Variants in ARFGEF1 observed in about 807,000 individuals in gnomAD.
The protein encoded by ARFGEF1 is ARF guanine nucleotide exchange factor 1.
ARFGEF1 carries 42 observed loss-of-function variants against 231.0 expected under a neutral mutation model. That is an observed-to-expected ratio of 0.18 (90% CI 0.14 to 0.24). ARFGEF1 has a LOEUF of 0.24. Ranked by LOEUF, ARFGEF1 falls within the 10% of genes least tolerant of loss-of-function variation. The probability of loss-of-function intolerance (pLI) is 1.00; values close to 1 mark genes in which losing one functional copy is unlikely to be tolerated. For synonymous variants in ARFGEF1, 710 were observed against 732.3 expected (o/e 0.97, Z 0.49); for missense variants, 1,345 against 2,192.0 (o/e 0.61, Z 7.72).
intron 1 of ARFGEF1, among the ~76,000 whole-genome samples, chr8:67,309,361 T>C (rs1444496357): frequency 6.6e-6 from 1 of 152,234 alleles, no homozygotes; most frequent in Non-Finnish European, 1.5e-5. Flanking sequence ...AACAGGGACA[T>C]TTTTCATTCT....
At position 67,288,212 on chromosome 8, in the gene ARFGEF1, C is replaced by T. The variant is rs183862580; in HGVS notation, c.917-147G>A. 8.2e-6 allele frequency: 4 copies of T among 485,814 alleles called. No homozygotes were observed. In the Admixed American group the frequency reaches 1.2e-4, roughly 15 times the overall value. 30.1% of individuals were successfully genotyped at this position (485,814 alleles called of 1,614,324 possible). The stretch of plus-strand genomic sequence containing the variant: ...ACATGAAATTAGAAGCAATTATATG[C>T]TAAACCTTCAAAATGTATACCAAAA... On this transcript the variant is annotated intron_variant, in intron 6 of 38. Transcript: ENST00000262215.
intron 34 of ARFGEF1, among the ~76,000 whole-genome samples, chr8:67,209,240 TG>T (rs1162502539): frequency 6.6e-6 from 1 of 150,480 alleles, no homozygotes; most frequent in Non-Finnish European, 1.5e-5. Flanking sequence ...ATACATTCAG[TG>T]GACTATTAGT....
Position 67,204,624 on chromosome 8 carries a change from G to A in ARFGEF1, c.4959+56C>T. The A allele has an allele frequency of 2.6e-6, 4 of 1,562,306 alleles. No homozygotes were observed. The South Asian group carries it at 4.8e-5, about 19-fold the overall frequency. On this transcript the variant is annotated intron_variant, in intron 35 of 38. Transcript: ENST00000262215. ...CTAGCCTAACTCTACAGCCCAGACT[G>A]CTATACCTAACTTCCTACTTACACA...
intron 22 of ARFGEF1, among the ~76,000 whole-genome samples, chr8:67,233,555 TTCTGA>T (rs1354315286): frequency 6.6e-6 from 1 of 152,044 alleles, no homozygotes. Flanking sequence ...TAAATTTTTC[TTCTGA>T]TCTGTTTTTC....
intron 5 of ARFGEF1, among the ~76,000 whole-genome samples, chr8:67,189,761 T>TC (rs769292533): frequency 6.6e-6 from 1 of 152,032 alleles, no homozygotes; most frequent in South Asian, 2.1e-4. Context: ...AATAACATCA[T>TC]CCCCCCAAAT....
At chr8:67,253,346 G>A in intron 18 of ARFGEF1, 105 bp downstream of exon 18, 2 of 726,174 alleles carry the variant, frequency 2.8e-6, no homozygotes, top group South Asian at 3.3e-5. Context: ...TGAGTAGCTG[G>A]GGACTATAAA....
intron 34 of ARFGEF1, 130 bp from the exon 35 acceptor site, chr8:67,204,949 G>A: frequency 9.2e-7 from 1 of 1,086,126 alleles, no homozygotes; most frequent in Non-Finnish European, 1.3e-6. Context: ...AGGACATACT[G>A]CTTTTGCACA....
At chr8:67,174,630 T>G (rs1831174062), downstream of ARFGEF1, 1 of 152,186 alleles carries the variant, frequency 6.6e-6, no homozygotes, top group Non-Finnish European at 1.5e-5. Context: ...CCGGGCATAG[T>G]GGTGGGTGCT....
intron 10 of ARFGEF1, among the ~76,000 whole-genome samples, chr8:67,269,022 A>G (rs1364297327): frequency 6.6e-6 from 1 of 152,232 alleles, no homozygotes; most frequent in Non-Finnish European, 1.5e-5. Flanking sequence ...CTAATAAGCA[A>G]AAGTCTATTG....
At position 67,240,212 on chromosome 8, in the gene ARFGEF1, G is replaced by A; in HGVS notation, c.2929C>T (p.Leu977=). Residue 977 remains leucine (L), a synonymous_variant, in exon 20 of 39, where the codon CTG becomes TTG. Transcript: ENST00000262215. The part of the protein sequence containing the change: ...CDDTEVASLC[L]EGIRCAIRIA... The stretch of plus-strand genomic sequence containing the variant: ...CTGATTGCACATCTTATACCTTCCA[G>A]GCAAAGAGAGGCTACTTCAGTATCA... 1 of 1,612,954 alleles carries A rather than the reference G, an allele frequency of 6.2e-7. No homozygotes were observed. The highest frequency in any genetic ancestry group is 8.5e-7 in the Non-Finnish European group (1 of 1,179,682).
chr8:67,259,028 G>A (rs1840557993), intron 15 of ARFGEF1, among the ~76,000 whole-genome samples: 1 of 152,116 alleles, frequency 6.6e-6, no homozygotes, highest in South Asian at 2.1e-4. Context: ...GTAATACAAT[G>A]TAAATAGGTT....
At chr8:67,264,579 A>G (rs1587163921) in intron 14 of ARFGEF1, among the ~76,000 whole-genome samples, 1 of 152,154 alleles carries the variant, frequency 6.6e-6, no homozygotes. Context: ...AGGAAGAAAG[A>G]AAAAACAGCC....
chr8:67,181,850 G>A (rs926519887), intron 5 of ARFGEF1, among the ~76,000 whole-genome samples: 3 of 152,030 alleles, frequency 2.0e-5, no homozygotes, highest in Non-Finnish European at 4.4e-5. Flanking sequence ...TCCAGCCCCT[G>A]GCAGCCAACA....
intron 19 of ARFGEF1, among the ~76,000 whole-genome samples, chr8:67,243,603 A>G (rs1308204225): frequency 6.6e-6 from 1 of 152,216 alleles, no homozygotes; most frequent in East Asian, 1.9e-4. Flanking sequence ...CGTATCATCA[A>G]GTCCTTTTGA....
intron 5 of ARFGEF1, among the ~76,000 whole-genome samples, chr8:67,190,987 A>G (rs1836064093): frequency 6.6e-6 from 1 of 152,188 alleles, no homozygotes; most frequent in Non-Finnish European, 1.5e-5. Context: ...GGGTGGCTGT[A>G]AGTAGCTCCT....
chr8:67,221,543 A>G lies in ARFGEF1; in HGVS notation c.4209-1983T>C, dbSNP rs147940928. Among the ~76,000 whole-genome samples, 45 of 152,344 alleles carry G rather than the reference A, an allele frequency of 3.0e-4. No individual in the cohort carries two copies. The East Asian group carries it at 7.1e-3, about 24-fold the overall frequency. On this transcript the variant is annotated intron_variant, in intron 29 of 38. Coordinates refer to ENST00000262215, the MANE Select transcript of ARFGEF1 (RefSeq NM_006421.5). ...GGATATAAAGAAAATACTTTTATAT[A>G]GCTGTACAATGTGTTTTAAGCTAAG... is the stretch of plus-strand genomic sequence containing the variant.
intron 1 of ARFGEF1, 76 bp downstream of exon 1, chr8:67,343,088 A>ACCCCCCCCCCCCCCCCGGGGCCCCCC: frequency 2.5e-6 from 1 of 399,152 alleles, no homozygotes; most frequent in Non-Finnish European, 4.8e-6. Flanking sequence ...GCCCCGGGCG[A>ACCCCCCCCCCCCCCCCGGGGCCCCCC]CCCCACCCCC....
intron 19 of ARFGEF1, among the ~76,000 whole-genome samples, chr8:67,241,854 C>T (rs776446906): frequency 1.3e-5 from 2 of 152,152 alleles, no homozygotes; most frequent in Non-Finnish European, 2.9e-5. Flanking sequence ...ATCCCTCCCC[C>T]GTCTCCCATC....
intron 5 of ARFGEF1, 147 bp downstream of exon 5, chr8:67,296,284 A>G (rs535822082): frequency 1.3e-6 from 1 of 776,708 alleles, no homozygotes; most frequent in South Asian, 2.5e-5. Context: ...ATAAAACACA[A>G]TCCCACAAAT....
Sources: gnomAD v4.1 joint callset for allele counts (sites outside exome capture counted in the v4.1 genomes callset) on GRCh38, gnomAD v4.1.1 for gene constraint, MANE v1.5 for transcripts, NCBI Gene and HGNC (gene_info 2026-07-23, HGNC 2026-07-21) for gene names.